Variants in SNX3 observed in about 807,000 individuals in gnomAD.
SNX3 encodes the protein sorting nexin 3, also known as sorting nexin-3.
Under a neutral mutation model 17.7 loss-of-function variants are expected in SNX3, and 5 were observed. That is an observed-to-expected ratio of 0.28 (90% CI 0.15 to 0.59). The LOEUF (loss-of-function observed/expected upper bound fraction) is 0.59, where lower values mean the gene tolerates loss of function less well. Among genes scored for constraint, SNX3 ranks in the 20% least tolerant of loss-of-function variants. The pLI is 0.88. For synonymous variants in SNX3, 91 were observed against 76.5 expected, an observed-to-expected ratio of 1.19 and a Z score of -0.99; for missense variants, 132 against 206.8, an observed-to-expected ratio of 0.64 and a Z score of 2.22.
intron 2 of SNX3, among the ~76,000 whole-genome samples, chr6:108,215,832 G>A (rs899089280): frequency 2.0e-5 from 3 of 152,006 alleles, no homozygotes; most frequent in Non-Finnish European, 2.9e-5. Flanking sequence ...CTTAGGAGGC[G>A]GAAGTGGGAT....
intron 1 of SNX3, among the ~76,000 whole-genome samples, chr6:108,244,950 GA>G (rs1775638272): frequency 6.6e-6 from 1 of 151,974 alleles, no homozygotes; most frequent in Non-Finnish European, 1.5e-5. Flanking sequence ...AAGAAAATAA[GA>G]AATTTTCTTT....
chr6:108,258,788 C>T (rs1204435212), intron 1 of SNX3, among the ~76,000 whole-genome samples: 1 of 152,010 alleles, frequency 6.6e-6, no homozygotes, highest in African/African-American at 2.4e-5. Context: ...GGACTAGAGG[C>T]ATGAGCCACT....
chr6:108,257,454 A>T (rs1239587591), intron 1 of SNX3, among the ~76,000 whole-genome samples: 1 of 152,184 alleles, frequency 6.6e-6, no homozygotes, highest in Non-Finnish European at 1.5e-5. Context: ...TTGAGAATGC[A>T]GTGAGCCACA....
At chr6:108,228,694 T>C (rs1180230307) in intron 1 of SNX3, among the ~76,000 whole-genome samples, 3 of 151,520 alleles carry the variant, frequency 2.0e-5, no homozygotes, top group African/African-American at 7.3e-5. Context: ...AGGGAGACGG[T>C]CTCAAAAAAA....
intron 1 of SNX3, among the ~76,000 whole-genome samples, chr6:108,238,101 C>CAAAAA (rs11287104): frequency 3.4e-4 from 29 of 85,394 alleles, no homozygotes; most frequent in African/African-American, 1.0e-3. Context: ...GATCCTGTCT[C>CAAAAA]AAAAAAAAAA....
At chr6:108,245,585 G>A (rs1345513323) in intron 1 of SNX3, among the ~76,000 whole-genome samples, 3 of 152,246 alleles carry the variant, frequency 2.0e-5, no homozygotes, top group Non-Finnish European at 4.4e-5. Context: ...GTGTAAAAGC[G>A]TTCCTATTTC....
intron 2 of SNX3, among the ~76,000 whole-genome samples, chr6:108,216,803 A>G (rs1774595898): frequency 6.6e-6 from 1 of 152,104 alleles, no homozygotes; most frequent in Non-Finnish European, 1.5e-5. Flanking sequence ...AACAAAATAA[A>G]AACAAAAAAA....
chr6:108,222,274 C>T (rs1774808783), intron 2 of SNX3: 15 of 1,304,168 alleles, frequency 1.2e-5, no homozygotes, highest in Non-Finnish European at 1.5e-5. Flanking sequence ...CTGAGCACAC[C>T]ACGTCCTTCC....
chr6:108,224,853 C>G (rs1266026974), intron 1 of SNX3, among the ~76,000 whole-genome samples: 1 of 152,108 alleles, frequency 6.6e-6, no homozygotes, highest in Non-Finnish European at 1.5e-5. Flanking sequence ...TGAAGTTACA[C>G]TGGAATGTAA....
chr6:108,226,238 CT>C (rs998906672), intron 1 of SNX3, among the ~76,000 whole-genome samples: 4 of 152,060 alleles, frequency 2.6e-5, no homozygotes, highest in African/African-American at 9.7e-5. Flanking sequence ...TCACATCTGG[CT>C]AATTTTTGTA....
In SNX3 at chr6:108,214,585, C is replaced by T. The variant is rs1283048319; in HGVS notation, c.296G>A (p.Arg99His). The part of the protein sequence containing the change: ...VPPLPGKAFL[R>H]QLPFRGDDGI... Reference sequence around the variant, plus strand: ...ATCATCTCCTCTAAAAGGAAGCTGACGCAAAAACGCTTTCCCAGGGAGCGG... The same window carrying T: ...ATCATCTCCTCTAAAAGGAAGCTGATGCAAAAACGCTTTCCCAGGGAGCGG... The change falls in exon 3 of 4, where the codon CGT (arginine) becomes CAT (histidine). Residue 99 changes from arginine (R) to histidine (H), a missense_variant. By Grantham distance (29) the Arg-to-His change is conservative. Around this residue, in one of 2 missense-constraint regions of SNX3, gnomAD observed 54 missense variants for 118.0 expected, o/e 0.46. Transcript: ENST00000230085. The T allele has an allele frequency of 1.9e-6, 3 of 1,612,886 alleles. No individual in the cohort carries two copies. Among genetic ancestry groups the T allele is most frequent in the African/African-American group, 1.3e-5 (1 of 74,808 alleles).
intron 1 of SNX3, among the ~76,000 whole-genome samples, chr6:108,226,740 T>G (rs530381708): frequency 3.3e-5 from 5 of 152,218 alleles, no homozygotes; most frequent in Non-Finnish European, 7.3e-5. Flanking sequence ...TTCAGGCCCT[T>G]AAATCCATTT....
intron 1 of SNX3, among the ~76,000 whole-genome samples, chr6:108,234,332 C>A (rs1475534451): frequency 1.3e-5 from 2 of 152,010 alleles, no homozygotes; most frequent in Admixed American, 1.3e-4. Context: ...GCGGGTGGAT[C>A]ACCTGAGGTC....
intron 1 of SNX3, among the ~76,000 whole-genome samples, chr6:108,244,936 G>A (rs974251468): frequency 2.6e-5 from 4 of 151,994 alleles, no homozygotes; most frequent in Admixed American, 6.6e-5. Flanking sequence ...CACTGTGCCC[G>A]GCCAAGAAAA....
At chr6:108,223,532 G>C (rs931489774) in intron 1 of SNX3, among the ~76,000 whole-genome samples, 5 of 102,620 alleles carry the variant, frequency 4.9e-5, no homozygotes, top group Admixed American at 1.3e-4. Flanking sequence ...TTTTGAGACA[G>C]AATCTCACTG....
At chr6:108,222,842 AATC>A (rs1316649336) in intron 2 of SNX3, 105 bp downstream of exon 2, 7 of 719,524 alleles carry the variant, frequency 9.7e-6, no homozygotes, top group Admixed American at 2.6e-5. Flanking sequence ...GAAAAAAAGA[AATC>A]ATATTTGCTT....
chr6:108,223,104 G>A lies in SNX3; in HGVS notation c.163-59C>T, dbSNP rs553483634. The A allele has an allele frequency of 3.5e-6, 3 of 850,066 alleles. No homozygotes were observed. The East Asian group carries it at 7.4e-5, about 21-fold the overall frequency. The allele number at this position is 850,066 out of a possible 1,614,324, so 52.7% of individuals were successfully genotyped here. ...ACATTAAGGAAACTTCAAAAAAATG[G>A]GGGGACGGGTATGGCAAAACAAAAG... is the stretch of plus-strand genomic sequence containing the variant. On this transcript the variant is annotated intron_variant, in intron 1 of 3. Transcript: ENST00000230085.
chr6:108,212,357 T>C, intron 3 of SNX3, 103 bp from the exon 4 acceptor site: 1 of 712,028 alleles, frequency 1.4e-6, no homozygotes, highest in South Asian at 1.7e-5. Flanking sequence ...TTTTTTTTTT[T>C]GAGATGGAGT....
At position 108,236,427 on chromosome 6, in the gene SNX3, A is replaced by G. The variant is rs1164032730; in HGVS notation, c.163-13382T>C. 2.0e-3 allele frequency among the ~76,000 whole-genome samples: 276 copies of G among 139,800 alleles called. 1 individual carries two copies. The highest frequency in any genetic ancestry group is 7.1e-3 in the African/African-American group (266 of 37,356). 91.7% of individuals were successfully genotyped at this position (139,800 alleles called of 152,430 possible). The stretch of plus-strand genomic sequence containing the variant: ...GAGACGGAGTCTCGCTCTGTCGCCC[A>G]GGCTGGAGTGCAGTGGCGGGATCTC... On this transcript the variant is annotated intron_variant, in intron 1 of 3. Coordinates refer to ENST00000230085, the MANE Select transcript of SNX3 (RefSeq NM_003795.6).
Sources: gnomAD v4.1 joint callset for allele counts (sites outside exome capture counted in the v4.1 genomes callset) on GRCh38, gnomAD v4.1.1 for gene constraint, gnomAD v4.1.1 regional missense constraint, MANE v1.5 for transcripts, NCBI Gene and HGNC (gene_info 2026-07-23, HGNC 2026-07-21) for gene names.